RIN2: variants seen among roughly 807,000 people sequenced by gnomAD.
RIN2 encodes Ras and Rab interactor 2, also known as RAB5 interacting protein 2.
RIN2 carries 36 observed loss-of-function variants against 78.0 expected under a neutral mutation model. That is an observed-to-expected ratio of 0.46 (90% CI 0.35 to 0.61). RIN2 has a LOEUF of 0.61. RIN2 is among the 20% of genes least tolerant of loss of function. RIN2 has a pLI of 0.00. For missense variants in RIN2, 1,087 were observed against 1,159.7 expected (o/e 0.94, Z 0.91); for synonymous variants, 466 against 466.8 (o/e 1.00, Z 0.02).
intron 1 of RIN2, among the ~76,000 whole-genome samples, chr20:19,778,995 G>A (rs1460349316): frequency 1.3e-5 from 2 of 152,164 alleles, no homozygotes; most frequent in Non-Finnish European, 2.9e-5. Context: ...AAGTCAAAAG[G>A]TAGAAATGTC....
chr20:19,998,004 C>T (rs1284869770), intron 12 of RIN2, among the ~76,000 whole-genome samples: 1 of 149,448 alleles, frequency 6.7e-6, no homozygotes, highest in Admixed American at 6.7e-5. Context: ...AAGACAGAGT[C>T]TCGCTCTGTC....
intron 2 of RIN2, among the ~76,000 whole-genome samples, chr20:19,803,058 C>G (rs1017725167): frequency 5.3e-5 from 8 of 152,208 alleles, no homozygotes; most frequent in African/African-American, 1.9e-4. Context: ...TCCTGTTGTT[C>G]TACCTGCTCA....
chr20:19,819,572 C>T (rs1421306702), intron 2 of RIN2, among the ~76,000 whole-genome samples: 1 of 152,186 alleles, frequency 6.6e-6, no homozygotes, highest in Non-Finnish European at 1.5e-5. Context: ...GAGACAAGGT[C>T]TCACCGAGGC....
chr20:19,848,662 A>AG (rs904588262), intron 2 of RIN2, among the ~76,000 whole-genome samples: 2 of 73,342 alleles, frequency 2.7e-5, no homozygotes, highest in South Asian at 4.9e-4. Flanking sequence ...AGAATGAAAC[A>AG]GTTTTTTTTT....
intron 2 of RIN2, among the ~76,000 whole-genome samples, chr20:19,814,451 G>A (rs2035702868): frequency 6.7e-6 from 1 of 148,622 alleles, no homozygotes; most frequent in Non-Finnish European, 1.5e-5. Flanking sequence ...AAAATGAGAT[G>A]ACATGTTTAT....
chr20:19,964,212 GA>G (rs1321764900), intron 6 of RIN2, among the ~76,000 whole-genome samples: 3 of 151,668 alleles, frequency 2.0e-5, no homozygotes, highest in Admixed American at 2.0e-4. Flanking sequence ...AGCAGGGGTG[GA>G]GGGGGGAACA....
At chr20:19,924,331 GCACCTCTTCATACCC>G (rs1310778416) in intron 3 of RIN2, among the ~76,000 whole-genome samples, 83 of 2,830 alleles carry the variant, frequency 0.029, 2 homozygotes, top group African/African-American at 0.19. Context: ...CCTTCATACC[GCACCTCTTCATACCC>G]CACCTCTTCA....
chr20:19,980,359 A>G (rs199586), intron 9 of RIN2, among the ~76,000 whole-genome samples: 51,388 of 152,128 alleles, frequency 0.34, 9,837 homozygotes, highest in Non-Finnish European at 0.44. Flanking sequence ...AAATGGGGTC[A>G]ATTATGTTAC....
intron 2 of RIN2, among the ~76,000 whole-genome samples, chr20:19,842,572 T>C (rs1227896793): frequency 6.6e-6 from 1 of 151,966 alleles, no homozygotes; most frequent in Non-Finnish European, 1.5e-5. Flanking sequence ...GTTTACTGAA[T>C]ATTTTAATCC....
chr20:19,817,211 C>T (rs534750965), intron 2 of RIN2, among the ~76,000 whole-genome samples: 65 of 152,316 alleles, frequency 4.3e-4, no homozygotes, highest in Non-Finnish European at 4.9e-4. Context: ...AACAAAATAC[C>T]TTAAACTGAG....
At chr20:19,973,540 G>C (rs1042479316) in intron 8 of RIN2, among the ~76,000 whole-genome samples, 2 of 152,206 alleles carry the variant, frequency 1.3e-5, no homozygotes, top group African/African-American at 2.4e-5. Flanking sequence ...TGTAATCCCA[G>C]CACTTTGGGA....
intron 1 of RIN2, among the ~76,000 whole-genome samples, chr20:19,794,288 G>A (rs1326711914): frequency 6.6e-6 from 1 of 152,176 alleles, no homozygotes; most frequent in Non-Finnish European, 1.5e-5. Context: ...GGGTGCAGTA[G>A]CTCACGTCTG....
intron 3 of RIN2, among the ~76,000 whole-genome samples, chr20:19,893,977 C>T (rs1339917814): frequency 2.0e-5 from 3 of 152,078 alleles, no homozygotes; most frequent in Non-Finnish European, 4.4e-5. Context: ...GAGGCTGAGG[C>T]AGGAGAATGG....
At chr20:19,852,987 A>G (rs1346071881) in intron 2 of RIN2, among the ~76,000 whole-genome samples, 15 of 149,094 alleles carry the variant, frequency 1.0e-4, no homozygotes, top group Non-Finnish European at 1.9e-4. Flanking sequence ...GCACCCATTA[A>G]CTCGTCATTT....
intron 2 of RIN2, among the ~76,000 whole-genome samples, chr20:19,837,166 C>G (rs1001105809): frequency 1.7e-5 from 2 of 119,254 alleles, no homozygotes; most frequent in Admixed American, 1.9e-4. Context: ...CACCGCCCCC[C>G]CCAACACACA....
At chr20:19,791,305 T>A (rs777074088) in intron 1 of RIN2, among the ~76,000 whole-genome samples, 3 of 152,224 alleles carry the variant, frequency 2.0e-5, no homozygotes, top group Non-Finnish European at 4.4e-5. Flanking sequence ...AATGAATTTA[T>A]TTGAGAAAAT....
chr20:19,969,143 C>T (rs2042026186), intron 7 of RIN2, among the ~76,000 whole-genome samples: 2 of 152,226 alleles, frequency 1.3e-5, no homozygotes, highest in African/African-American at 4.8e-5. Context: ...TTGTTAACAG[C>T]TTCCATGGCT....
intron 4 of RIN2, among the ~76,000 whole-genome samples, chr20:19,950,321 T>C (rs1481333438): frequency 6.6e-6 from 1 of 152,206 alleles, no homozygotes; most frequent in Non-Finnish European, 1.5e-5. Context: ...CTCCCCATGA[T>C]AGCAGCCCTA....
At chr20:19,895,006 T>A (rs1395579674) in intron 3 of RIN2, among the ~76,000 whole-genome samples, 1 of 151,930 alleles carries the variant, frequency 6.6e-6, no homozygotes, top group African/African-American at 2.4e-5. Context: ...TCTCCTGGGG[T>A]CCAAACCCAC....
Sources: allele counts gnomAD v4.1 joint callset (sites outside exome capture counted in the v4.1 genomes callset), GRCh38; gene constraint gnomAD v4.1.1; transcripts MANE v1.5; gene names NCBI Gene and HGNC (gene_info 2026-07-23, HGNC 2026-07-21).